SPIDR: variants seen among roughly 807,000 people sequenced by gnomAD.
The protein encoded by SPIDR is DNA repair-scaffolding protein.
A neutral mutation model predicts 104.6 loss-of-function variants in SPIDR; 93 were observed. The ratio of observed to expected loss-of-function variants is 0.89; its 90% CI spans 0.75 to 1.06. The LOEUF (loss-of-function observed/expected upper bound fraction) is 1.06. Ranked by LOEUF, SPIDR falls within the 50% of genes least tolerant of loss-of-function variation. The probability of loss-of-function intolerance (pLI) is 0.00; values close to 1 mark genes in which losing one functional copy is unlikely to be tolerated. For synonymous variants in SPIDR, 431 were observed against 416.9 expected, an observed-to-expected ratio of 1.03 and a Z score of -0.41; for missense variants, 1,154 against 1,111.2, an observed-to-expected ratio of 1.04 and a Z score of -0.55.
intron 8 of SPIDR, among the ~76,000 whole-genome samples, chr8:47,545,661 G>A (rs4594029): frequency 0.68 from 102,826 of 151,822 alleles, 35,131 homozygotes; most frequent in East Asian, 0.8. Flanking sequence ...TAGAACTTCC[G>A]GTACTACACT....
intron 1 of SPIDR, among the ~76,000 whole-genome samples, chr8:47,264,372 T>C (rs747454764): frequency 3.3e-5 from 5 of 152,146 alleles, no homozygotes; most frequent in Non-Finnish European, 7.4e-5. Context: ...TATATAGATA[T>C]ATCCTATATA....
chr8:47,336,213 TCAC>T (rs1554609077), intron 5 of SPIDR, among the ~76,000 whole-genome samples: 1 of 152,250 alleles, frequency 6.6e-6, no homozygotes, highest in African/African-American at 2.4e-5. Flanking sequence ...AAAAATCTGT[TCAC>T]CACTTGTTTT....
rs185358984 is a variant in SPIDR, at chr8:47,545,026, T to C, written c.1098-50785T>C. 2.0e-4 allele frequency among the ~76,000 whole-genome samples: 30 copies of C among 152,228 alleles called. 1 individual carries two copies. Among genetic ancestry groups the C allele is most frequent in the Middle Eastern group, 3.4e-3 (1 of 294 alleles). On this transcript the variant is annotated intron_variant, in intron 8 of 19. Coordinates refer to ENST00000297423, the MANE Select transcript of SPIDR (RefSeq NM_001080394.4). ...ATTTTGTAGCTTTAGCATACAGCTCTTACAGGTATTTTGTTAGATTTACAC... is the reference window on the plus strand; with the variant it reads ...ATTTTGTAGCTTTAGCATACAGCTCCTACAGGTATTTTGTTAGATTTACAC...
At chr8:47,558,718 C>T (rs1235147269) in intron 8 of SPIDR, among the ~76,000 whole-genome samples, 2 of 152,184 alleles carry the variant, frequency 1.3e-5, no homozygotes, top group African/African-American at 2.4e-5. Context: ...CAGCTCAGTG[C>T]AAGCTCCGCC....
intron 7 of SPIDR, among the ~76,000 whole-genome samples, chr8:47,435,261 G>A (rs373188652): frequency 2.6e-5 from 4 of 151,948 alleles, no homozygotes; most frequent in Admixed American, 2.6e-4. Context: ...CTGTCCTCCC[G>A]CCCTGGCTTC....
At position 47,415,976 on chromosome 8, in the gene SPIDR, A is replaced by G. The variant is rs1415217189; in HGVS notation, c.877+8015A>G. On this transcript the variant is annotated intron_variant, in intron 7 of 19. Transcript: ENST00000297423. ...CATTTCCATAGTTTGTTATCTAAAA[A>G]TGCTCACACCTGTAATTCCAGCACT... Among the ~76,000 whole-genome samples the G allele has an allele frequency of 3.9e-5, 6 of 152,078 alleles. 1 individual carries two copies. The Middle Eastern group carries it at 0.01, about 259-fold the overall frequency.
intron 8 of SPIDR, among the ~76,000 whole-genome samples, chr8:47,589,754 G>A (rs962128929): frequency 2.0e-5 from 3 of 152,064 alleles, no homozygotes; most frequent in East Asian, 1.9e-4. Flanking sequence ...CTTGATATTG[G>A]TAATTTGTAT....
intron 10 of SPIDR, 119 bp downstream of exon 10, chr8:47,599,315 GT>G: frequency 1.5e-6 from 2 of 1,361,936 alleles, no homozygotes; most frequent in Admixed American, 5.6e-5. Flanking sequence ...TACGTGAGCT[GT>G]TTTTGTTTTT....
chr8:47,403,510 T>C (rs148466495), intron 6 of SPIDR, among the ~76,000 whole-genome samples: 6,153 of 152,248 alleles, frequency 0.04, 368 homozygotes, highest in African/African-American at 0.13. Context: ...AGCAAAGTCT[T>C]GGGATACAAA....
intron 5 of SPIDR, among the ~76,000 whole-genome samples, chr8:47,361,401 T>G (rs1428445901): frequency 1.3e-5 from 2 of 152,170 alleles, no homozygotes; most frequent in African/African-American, 4.8e-5. Flanking sequence ...AGGGCCTGGG[T>G]GGGGATGGGC....
chr8:47,667,587 A>G (rs1394579436), intron 10 of SPIDR, among the ~76,000 whole-genome samples: 2 of 152,180 alleles, frequency 1.3e-5, no homozygotes, highest in Non-Finnish European at 2.9e-5. Context: ...GAAAGGCATA[A>G]TAGAATAAGT....
intron 1 of SPIDR, among the ~76,000 whole-genome samples, chr8:47,276,511 A>G (rs982599683): frequency 6.6e-6 from 1 of 152,236 alleles, no homozygotes; most frequent in Non-Finnish European, 1.5e-5. Context: ...GTAGGTAACA[A>G]ATATACTTGT....
rs1358389484 is a variant in SPIDR at position 47,552,568 on chromosome 8, AC to A, written c.1098-43242del. Among the ~76,000 whole-genome samples the A allele has an allele frequency of 4.4e-4, 67 of 151,468 alleles. 1 individual carries two copies. Among genetic ancestry groups the A allele is most frequent in the African/African-American group, 1.5e-3 (61 of 41,318 alleles). On this transcript the variant is annotated intron_variant, in intron 8 of 19. Transcript: ENST00000297423. ...TTTGATCTTTGTTGTTTTATTAGAG[AC>A]TAGGATTGCAACCCCTGCTTTTTTT...
chr8:47,471,609 A>G (rs1341299689), intron 8 of SPIDR, among the ~76,000 whole-genome samples: 1 of 152,194 alleles, frequency 6.6e-6, no homozygotes, highest in Non-Finnish European at 1.5e-5. Flanking sequence ...CGGGAAATGA[A>G]AGTGTTCTGG....
At chr8:47,297,534 G>A (rs1045391253) in intron 5 of SPIDR, among the ~76,000 whole-genome samples, 1 of 151,882 alleles carries the variant, frequency 6.6e-6, no homozygotes, top group South Asian at 2.1e-4. Flanking sequence ...GTATACATGT[G>A]CCATGTCGGT....
At chr8:47,383,175 A>T (rs1246069572) in intron 5 of SPIDR, among the ~76,000 whole-genome samples, 1 of 152,194 alleles carries the variant, frequency 6.6e-6, no homozygotes, top group Non-Finnish European at 1.5e-5. Context: ...CTGCTTTTCC[A>T]GCCTCCTGCC....
At chr8:47,700,161 AT>A (rs1169932411) in intron 11 of SPIDR, among the ~76,000 whole-genome samples, 1 of 152,208 alleles carries the variant, frequency 6.6e-6, no homozygotes, top group East Asian at 1.9e-4. Flanking sequence ...CAGTGACCGT[AT>A]ACTATTTCAC....
At chr8:47,429,031 G>A (rs2066897546) in intron 7 of SPIDR, among the ~76,000 whole-genome samples, 1 of 152,176 alleles carries the variant, frequency 6.6e-6, no homozygotes, top group Non-Finnish European at 1.5e-5. Context: ...AGAAGATTTT[G>A]CGTGAATACT....
intron 5 of SPIDR, among the ~76,000 whole-genome samples, chr8:47,391,728 G>T (rs2060599248): frequency 6.6e-6 from 1 of 151,830 alleles, no homozygotes; most frequent in South Asian, 2.1e-4. Context: ...CGGGCGTGGT[G>T]GCTCACGCCT....
Sources: gnomAD v4.1 joint callset for allele counts (sites outside exome capture counted in the v4.1 genomes callset) on GRCh38, gnomAD v4.1.1 for gene constraint, MANE v1.5 for transcripts, NCBI Gene and HGNC (gene_info 2026-07-23, HGNC 2026-07-21) for gene names.